The following RRBP1 variants were observed in gnomAD, a reference collection of about 807,000 sequenced individuals.
RRBP1 encodes the protein ribosome binding protein 1, also known as ribosome-binding protein 1.
In RRBP1, 94 loss-of-function variants were observed where a neutral mutation model predicts 165.2. The observed-to-expected ratio is 0.57, with a 90% CI of 0.48 to 0.68. RRBP1 has a LOEUF of 0.68. RRBP1 is among the 30% of genes least tolerant of loss of function. RRBP1 has a pLI of 0.00. For synonymous variants in RRBP1, 680 were observed against 714.5 expected, an observed-to-expected ratio of 0.95 and a Z score of 0.77; for missense variants, 1,676 against 1,763.0, an observed-to-expected ratio of 0.95 and a Z score of 0.88.
At chr20:17,679,740 C>G (rs1277561865) in intron 2 of RRBP1, among the ~76,000 whole-genome samples, 1 of 152,216 alleles carries the variant, frequency 6.6e-6, no homozygotes, top group East Asian at 1.9e-4. Context: ...TTATTTAAAA[C>G]TCTTCCATCA....
chr20:17,626,666 TC>T (rs1356004326), intron 11 of RRBP1, among the ~76,000 whole-genome samples: 1 of 152,096 alleles, frequency 6.6e-6, no homozygotes, highest in Non-Finnish European at 1.5e-5. Context: ...AGGACCTGCC[TC>T]CCCAGACTGT....
intron 3 of RRBP1, among the ~76,000 whole-genome samples, chr20:17,657,630 A>G (rs1190363057): frequency 6.6e-6 from 1 of 152,222 alleles, no homozygotes; most frequent in African/African-American, 2.4e-5. Context: ...AGAGGAAAGG[A>G]AAGGAGAGGA....
intron 2 of RRBP1, among the ~76,000 whole-genome samples, chr20:17,660,908 G>T (rs1568783975): frequency 6.6e-6 from 1 of 152,182 alleles, no homozygotes; most frequent in South Asian, 2.1e-4. Context: ...GGGAGTGGTG[G>T]AGACTGTAGT....
In RRBP1 at chr20:17,658,790, G is replaced by C. The variant is rs971117698; in HGVS notation, c.1718C>G (p.Ser573Cys). The change falls in exon 3 of 25, where the codon TCC becomes TGC. Residue 573 changes from serine (S) to cysteine (C), a missense_variant. Coordinates refer to ENST00000377813, the MANE Select transcript of RRBP1 (RefSeq NM_001365613.2). The stretch of plus-strand genomic sequence containing the variant: ...TTCTGCCTTTTTGCCTTCACTGGGG[G>C]ACCCTTCTGCTTTTTTCCCCTGGTT... ...ITNQGKKAEG[S>C]PSEGKKAEGS... 2 of 1,613,938 alleles carry C rather than the reference G, an allele frequency of 1.2e-6. No individual in the cohort carries two copies. Among genetic ancestry groups the C allele is most frequent in the South Asian group, 2.2e-5 (2 of 91,072 alleles).
chr20:17,671,523 C>CGAT (rs1168800528), intron 2 of RRBP1, among the ~76,000 whole-genome samples: 1 of 152,156 alleles, frequency 6.6e-6, no homozygotes, highest in African/African-American at 2.4e-5. Flanking sequence ...GTCATGGGAT[C>CGAT]CACATGAGGG....
intron 8 of RRBP1, 50 bp from the exon 9 acceptor site, chr20:17,630,011 CCTCAGCGG>C (rs1568761760): frequency 6.4e-7 from 1 of 1,563,584 alleles, no homozygotes; most frequent in Non-Finnish European, 8.7e-7. Flanking sequence ...AGGACCAGGC[CCTCAGCGG>C]CTCTGCGGTG....
chr20:17,641,882 C>T lies in RRBP1; in HGVS notation c.2099G>A (p.Arg700His), dbSNP rs142078269. The T allele has an allele frequency of 1.6e-5, 26 of 1,613,964 alleles. No homozygotes were observed. The highest frequency in any genetic ancestry group is 2.2e-5 in the East Asian group (1 of 44,890). ...QKGDPVAILK[R>H]QLEEKEKLLA... ...CAGTTTTTCCTTCTCTTCCAGCTGG[C>T]GTTTCAGAATCGCCACAGGGTCACC... Residue 700 changes from arginine to histidine, a missense_variant, in exon 5 of 25, where the codon CGC becomes CAC. Around this residue, in one of 5 missense-constraint regions of RRBP1, gnomAD observed 1,184 missense variants for 1,167.1 expected, o/e 1.01. Coordinates refer to ENST00000377813, the MANE Select transcript of RRBP1 (RefSeq NM_001365613.2).
In RRBP1 at chr20:17,641,016, G is replaced by A. The variant is rs2036346379; in HGVS notation, c.2184+781C>T. The stretch of plus-strand genomic sequence containing the variant: ...AGAGCAAGCCTGCGGTGCTGCATGG[G>A]GCAAAGACGGCTTTCAACAGGGCCT... On this transcript the variant is annotated intron_variant, in intron 5 of 24. Coordinates refer to ENST00000377813, the MANE Select transcript of RRBP1 (RefSeq NM_001365613.2). Among the ~76,000 whole-genome samples the A allele has an allele frequency of 3.9e-5, 6 of 152,184 alleles. No homozygotes were observed. In the South Asian group the frequency reaches 1.0e-3, roughly 26 times the overall value.
At chr20:17,669,498 A>C (rs746046078) in intron 2 of RRBP1, among the ~76,000 whole-genome samples, 17 of 152,364 alleles carry the variant, frequency 1.1e-4, no homozygotes, top group Non-Finnish European at 2.4e-4. Flanking sequence ...GGTCAGTGTC[A>C]TCTATACTGT....
intron 20 of RRBP1, among the ~76,000 whole-genome samples, chr20:17,617,185 C>T (rs1193233138): frequency 2.0e-5 from 3 of 152,356 alleles, no homozygotes; most frequent in Middle Eastern, 3.4e-3. Context: ...CTACACCCCC[C>T]GTTTCTCCTT....
rs200560074 is a variant in RRBP1, at chr20:17,635,653, A to T, written c.2349T>A (p.Leu783=). 15 of 1,613,196 alleles carry T rather than the reference A, an allele frequency of 9.3e-6. No individual in the cohort carries two copies. The highest frequency in any genetic ancestry group is 5.0e-5 in the Admixed American group (3 of 59,964). Residue 783 remains leucine (L), a synonymous_variant, in exon 7 of 25, where the codon CTT becomes CTA. Coordinates refer to ENST00000377813, the MANE Select transcript of RRBP1 (RefSeq NM_001365613.2). ...TGGGGCCATTCTCCAGCTGCTCCTG[A>T]AGAGTCCGGATCTGGAAAGTCACGG... ...VQQLQGKIRT[L]QEQLENGPNT... is the part of the protein sequence containing the mutation.
chr20:17,648,196 C>T (rs554116557), intron 3 of RRBP1, among the ~76,000 whole-genome samples: 3 of 152,142 alleles, frequency 2.0e-5, no homozygotes, highest in East Asian at 3.9e-4. Flanking sequence ...GGAGGAGCTC[C>T]GGCCAACATC....
chr20:17,640,352 C>A (rs1213416636), intron 5 of RRBP1, among the ~76,000 whole-genome samples: 1 of 152,198 alleles, frequency 6.6e-6, no homozygotes, highest in Non-Finnish European at 1.5e-5. Context: ...AAGGGAAGAG[C>A]AAGAGGAGAG....
At chr20:17,635,500 C>T in intron 7 of RRBP1, 46 bp downstream of exon 7, 1 of 1,445,958 alleles carries the variant, frequency 6.9e-7, no homozygotes, top group Non-Finnish European at 9.6e-7. Flanking sequence ...GCCTTCCTCG[C>T]TCCAGGGCCC....
intron 6 of RRBP1, 26 bp from the exon 7 acceptor site, chr20:17,635,690 A>G (rs748753673): frequency 6.3e-7 from 1 of 1,578,544 alleles, no homozygotes; most frequent in Admixed American, 1.7e-5. Flanking sequence ...CAAGGGCATC[A>G]GAGGCAGCTC....
intron 2 of RRBP1, among the ~76,000 whole-genome samples, chr20:17,674,290 T>C (rs947947640): frequency 2.0e-5 from 3 of 152,178 alleles, no homozygotes; most frequent in Non-Finnish European, 4.4e-5. Context: ...GTATTGCCTC[T>C]TCCCAACCAG....
chr20:17,646,681 C>A (rs1288494758), intron 3 of RRBP1, among the ~76,000 whole-genome samples: 1 of 152,152 alleles, frequency 6.6e-6, no homozygotes, highest in African/African-American at 2.4e-5. Context: ...CACCTCACAC[C>A]CCAAATTTCA....
chr20:17,635,509 C>A (rs766594938), intron 7 of RRBP1, 37 bp downstream of exon 7: 1 of 1,497,356 alleles, frequency 6.7e-7, no homozygotes. Flanking sequence ...GCTCCAGGGC[C>A]CTTGGGGAGG....
chr20:17,625,052 C>T (rs2035990198), intron 12 of RRBP1, among the ~76,000 whole-genome samples: 1 of 152,192 alleles, frequency 6.6e-6, no homozygotes, highest in Non-Finnish European at 1.5e-5. Flanking sequence ...CCAGGGCCTG[C>T]CTTGGGAAGC....
Sources: gnomAD v4.1 joint callset for allele counts (sites outside exome capture counted in the v4.1 genomes callset) on GRCh38, gnomAD v4.1.1 for gene constraint, gnomAD v4.1.1 regional missense constraint, MANE v1.5 for transcripts, NCBI Gene and HGNC (gene_info 2026-07-23, HGNC 2026-07-21) for gene names.